DLGAP1: variants seen among roughly 807,000 people sequenced by gnomAD.
The protein encoded by DLGAP1 is disks large-associated protein 1.
A neutral mutation model predicts 90.8 loss-of-function variants in DLGAP1; 11 were observed. The observed-to-expected ratio is 0.12, with a 90% CI of 0.08 to 0.20. The LOEUF is 0.20. DLGAP1 is among the 10% of genes least tolerant of loss of function. The probability of loss-of-function intolerance (pLI) is 1.00; values close to 1 mark genes in which losing one functional copy is unlikely to be tolerated. For missense variants in DLGAP1, 1,050 were observed against 1,333.8 expected (o/e 0.79, Z 3.31); for synonymous variants, 558 against 540.7 (o/e 1.03, Z -0.44).
chr18:4,203,724 A>G lies in DLGAP1; in HGVS notation c.-266-52437T>C, dbSNP rs146128999. 7.5e-3 allele frequency among the ~76,000 whole-genome samples: 1,137 copies of G among 152,312 alleles called. 44 individuals are homozygous for G. The highest frequency in any genetic ancestry group is 0.057 in the Admixed American group (877 of 15,298). ...GGTAACATGCTAGGCTCAGGGGAAC[A>G]CAATGATGACTAATACAACATGGTA... On this transcript the variant is annotated intron_variant, in intron 1 of 12. Coordinates refer to ENST00000315677, the MANE Select transcript of DLGAP1 (RefSeq NM_004746.4).
chr18:3,768,519 G>C (rs1266198867), intron 5 of DLGAP1, among the ~76,000 whole-genome samples: 2 of 152,080 alleles, frequency 1.3e-5, no homozygotes, highest in African/African-American at 4.8e-5. Flanking sequence ...GAGAAGGAAG[G>C]GGGAGGATTC....
intron 8 of DLGAP1, among the ~76,000 whole-genome samples, chr18:3,569,187 A>G (rs1223294716): frequency 1.3e-5 from 2 of 151,096 alleles, no homozygotes; most frequent in Admixed American, 6.6e-5. Flanking sequence ...TTTTTAGTAG[A>G]GATGGGATTT....
intron 2 of DLGAP1, among the ~76,000 whole-genome samples, chr18:4,101,011 C>T (rs1327820975): frequency 6.6e-6 from 1 of 152,168 alleles, no homozygotes; most frequent in African/African-American, 2.4e-5. Flanking sequence ...AACGCCATTG[C>T]ACTTTCTTAA....
intron 9 of DLGAP1, among the ~76,000 whole-genome samples, chr18:3,535,922 C>G (rs187094323): frequency 1.3e-3 from 204 of 152,092 alleles, no homozygotes; most frequent in African/African-American, 4.9e-3. Flanking sequence ...GTAATCCCAG[C>G]TACTCAGGAG....
intron 3 of DLGAP1, among the ~76,000 whole-genome samples, chr18:3,933,329 A>G (rs545650035): frequency 2.0e-4 from 30 of 152,334 alleles, no homozygotes; most frequent in African/African-American, 5.3e-4. Flanking sequence ...CAGTGGGCTG[A>G]GAATTGATCA....
Position 3,988,378 on chromosome 18 carries a change from G to A in DLGAP1, c.-73+16738C>T, listed in dbSNP as rs180790231. Among the ~76,000 whole-genome samples, 265 of 152,202 alleles carry A rather than the reference G, an allele frequency of 1.7e-3. 4 individuals are homozygous for A. Among genetic ancestry groups the A allele is most frequent in the Admixed American group, 0.014 (215 of 15,296 alleles). On this transcript the variant is annotated intron_variant, in intron 3 of 12. Transcript: ENST00000315677. ...TGCCGCTCACTGATAGGATTTTGAT[G>A]TGCGTCTGTAAGCGATTGACTTATT... is the stretch of plus-strand genomic sequence containing the variant.
chr18:3,997,976 T>G (rs2872872), intron 3 of DLGAP1, among the ~76,000 whole-genome samples: 144,956 of 152,166 alleles, frequency 0.95, 69,046 homozygotes, highest in East Asian at 1. Flanking sequence ...TAGACCCAGG[T>G]ACATCATCAG....
At chr18:4,306,354 T>C (rs775501774) in intron 1 of DLGAP1, among the ~76,000 whole-genome samples, 6 of 151,946 alleles carry the variant, frequency 3.9e-5, no homozygotes, top group Non-Finnish European at 5.9e-5. Flanking sequence ...CAAACTATCA[T>C]ACTGCCGTCC....
intron 8 of DLGAP1, among the ~76,000 whole-genome samples, chr18:3,574,035 G>A (rs931820139): frequency 2.6e-5 from 4 of 152,074 alleles, no homozygotes; most frequent in Admixed American, 6.6e-5. Flanking sequence ...CTCTTGCATC[G>A]GTATTAGTAA....
intron 3 of DLGAP1, among the ~76,000 whole-genome samples, chr18:3,972,300 C>T (rs1052640200): frequency 1.4e-4 from 21 of 152,040 alleles, no homozygotes; most frequent in African/African-American, 5.1e-4. Context: ...TCACTTGAAG[C>T]CCGGAGTTCG....
chr18:3,551,351 C>T (rs2053409068), intron 9 of DLGAP1, among the ~76,000 whole-genome samples: 2 of 151,784 alleles, frequency 1.3e-5, no homozygotes, highest in South Asian at 4.2e-4. Context: ...CCAGGTTCCA[C>T]GATTCCCCTG....
In DLGAP1 at chr18:3,496,580, C is replaced by T. The variant is rs1277544269; in HGVS notation, c.*2605G>A. On this transcript the variant is annotated 3_prime_UTR_variant, in exon 13 of 13. Transcript: ENST00000315677. ...TGGGAGACAAACTTCTTTTGTAATC[C>T]CCCCCTCCCCAAGAAAATGCCCAAC... The T allele has an allele frequency of 1.4e-5, 2 of 147,930 alleles. No individual in the cohort carries two copies. Among genetic ancestry groups the T allele is most frequent in the Middle Eastern group, 3.4e-3 (1 of 292 alleles). 9.2% of individuals were successfully genotyped at this position (147,930 alleles called of 1,614,324 possible). A position where few individuals can be genotyped will look rare whatever the true frequency, so the allele number is the denominator to read the frequency against.
At chr18:4,233,776 TAGAA>T (rs1292924802) in intron 1 of DLGAP1, among the ~76,000 whole-genome samples, 7 of 152,132 alleles carry the variant, frequency 4.6e-5, no homozygotes, top group African/African-American at 9.7e-5. Flanking sequence ...TTGATGGAGA[TAGAA>T]AGCTGTATAG....
chr18:4,090,873 A>G (rs964742171), intron 2 of DLGAP1, among the ~76,000 whole-genome samples: 11 of 152,368 alleles, frequency 7.2e-5, no homozygotes, highest in Admixed American at 5.9e-4. Context: ...CCGGATAAAG[A>G]AAATGTGGTA....
At chr18:3,640,540 G>C (rs1352103048) in intron 7 of DLGAP1, among the ~76,000 whole-genome samples, 1 of 152,222 alleles carries the variant, frequency 6.6e-6, no homozygotes, top group East Asian at 1.9e-4. Context: ...CAAGCACGTG[G>C]AGACACCGGC....
intron 2 of DLGAP1, among the ~76,000 whole-genome samples, chr18:4,011,701 G>C (rs1427444899): frequency 6.6e-6 from 1 of 152,042 alleles, no homozygotes; most frequent in Non-Finnish European, 1.5e-5. Context: ...GTGCACACCT[G>C]TAGTCCCAGC....
At chr18:4,112,693 G>C (rs536531042) in intron 2 of DLGAP1, among the ~76,000 whole-genome samples, 10 of 152,086 alleles carry the variant, frequency 6.6e-5, no homozygotes, top group Middle Eastern at 3.4e-3. Context: ...CTGAGGTTTG[G>C]GGTACAATTT....
chr18:4,213,974 T>C (rs1310255478), intron 1 of DLGAP1, among the ~76,000 whole-genome samples: 1 of 152,134 alleles, frequency 6.6e-6, no homozygotes, highest in Non-Finnish European at 1.5e-5. Context: ...AAGAGTCTCC[T>C]GAGACTGTGG....
intron 5 of DLGAP1, among the ~76,000 whole-genome samples, chr18:3,770,275 G>A (rs1049700228): frequency 3.9e-5 from 6 of 152,134 alleles, no homozygotes; most frequent in African/African-American, 1.2e-4. Context: ...CACTGTGGGA[G>A]AGAGAAGGCA....
Sources: gnomAD v4.1 joint callset for allele counts (sites outside exome capture counted in the v4.1 genomes callset) on GRCh38, gnomAD v4.1.1 for gene constraint, MANE v1.5 for transcripts, NCBI Gene and HGNC (gene_info 2026-07-23, HGNC 2026-07-21) for gene names.